ARHGAP22: variants seen among roughly 807,000 people sequenced by gnomAD.
ARHGAP22 encodes the protein Rho GTPase activating protein 22.
In ARHGAP22, 48 loss-of-function variants were observed where a neutral mutation model predicts 59.1. The observed-to-expected ratio is 0.81, with a 90% CI of 0.64 to 1.03. ARHGAP22 has a LOEUF of 1.03. Among genes scored for constraint, ARHGAP22 ranks in the 50% least tolerant of loss-of-function variants. The pLI is 0.00. For missense variants in ARHGAP22, 1,015 were observed against 958.7 expected (o/e 1.06, Z -0.78); for synonymous variants, 445 against 416.4 (o/e 1.07, Z -0.84).
chr10:48,642,722 G>T (rs1472576353), intron 1 of ARHGAP22, among the ~76,000 whole-genome samples: 10 of 152,144 alleles, frequency 6.6e-5, no homozygotes, highest in Non-Finnish European at 1.5e-4. Flanking sequence ...GGCAACAAAA[G>T]CCAAAATTGA....
upstream of ARHGAP22, among the ~76,000 whole-genome samples, chr10:48,609,714 T>G (rs1318485209): frequency 6.6e-6 from 1 of 152,180 alleles, no homozygotes; most frequent in African/African-American, 2.4e-5. Flanking sequence ...CACTCAGTGC[T>G]GTATGGAGTT....
chr10:48,582,497 T>C (rs2059177718), intron 2 of ARHGAP22, among the ~76,000 whole-genome samples: 1 of 152,194 alleles, frequency 6.6e-6, no homozygotes, highest in Admixed American at 6.5e-5. Flanking sequence ...CTTCTTAAAA[T>C]GTGGGTCACA....
At chr10:48,555,699 C>T in intron 2 of ARHGAP22, 149 bp from the exon 3 acceptor site, 1 of 688,308 alleles carries the variant, frequency 1.5e-6, no homozygotes, top group East Asian at 2.7e-5. Flanking sequence ...GCACACACCT[C>T]CTCTCCTAGG....
upstream of ARHGAP22, among the ~76,000 whole-genome samples, chr10:48,609,950 T>G (rs533128127): frequency 6.6e-6 from 1 of 152,344 alleles, no homozygotes; most frequent in East Asian, 1.9e-4. Context: ...TTTGCTCCAC[T>G]TTGGTGGCCT....
the ARHGAP22 span, chr10:48,435,103 C>G: frequency 1.6e-5 from 18 of 1,129,280 alleles, no homozygotes; most frequent in South Asian, 3.6e-4. Context: ...GAAAACAATT[C>G]AGTGGTCTTA....
intron 1 of ARHGAP22, among the ~76,000 whole-genome samples, chr10:48,592,764 AG>A (rs1397046029): frequency 6.6e-6 from 1 of 152,122 alleles, no homozygotes; most frequent in African/African-American, 2.4e-5. Flanking sequence ...CACTCCTCCC[AG>A]GGTTCCCCCA....
chr10:48,457,559 G>A (rs2046670040), intron 5 of ARHGAP22, among the ~76,000 whole-genome samples: 1 of 152,212 alleles, frequency 6.6e-6, no homozygotes, highest in African/African-American at 2.4e-5. Context: ...GCGGCCAGGA[G>A]TCCATGCAGC....
chr10:48,602,451 C>A (rs1445163), intron 1 of ARHGAP22, among the ~76,000 whole-genome samples: 121,193 of 152,108 alleles, frequency 0.8, 48,678 homozygotes, highest in East Asian at 0.98. Context: ...AAAACAGGTA[C>A]ATCTAGAAAA....
At chr10:48,467,188 C>G (rs1483060215) in intron 4 of ARHGAP22, among the ~76,000 whole-genome samples, 2 of 152,230 alleles carry the variant, frequency 1.3e-5, no homozygotes, top group African/African-American at 4.8e-5. Flanking sequence ...ATTAGCTTCC[C>G]TATATTACAG....
chr10:48,436,713 A>G, the ARHGAP22 span: 1 of 152,218 alleles, frequency 6.6e-6, no homozygotes, highest in African/African-American at 2.4e-5. Flanking sequence ...TAAGATTAAA[A>G]TACATTAGCT....
intron 1 of ARHGAP22, among the ~76,000 whole-genome samples, chr10:48,593,983 TTA>T (rs2059919603): frequency 2.0e-5 from 3 of 152,334 alleles, no homozygotes; most frequent in South Asian, 2.1e-4. Flanking sequence ...AATTTTTTTA[TTA>T]TATAAATTAC....
chr10:48,564,283 ACG>A (rs2057904480), intron 2 of ARHGAP22, among the ~76,000 whole-genome samples: 1 of 152,254 alleles, frequency 6.6e-6, no homozygotes, highest in Non-Finnish European at 1.5e-5. Context: ...CAACAGAGGA[ACG>A]GTTAAATCAT....
intron 2 of ARHGAP22, among the ~76,000 whole-genome samples, chr10:48,578,673 A>AT (rs2058917276): frequency 1.0e-5 from 1 of 97,840 alleles, no homozygotes; most frequent in Non-Finnish European, 2.0e-5. Context: ...CTCTGATTTC[A>AT]TTTTTTTGAA....
intron 3 of ARHGAP22, among the ~76,000 whole-genome samples, chr10:48,500,956 G>C (rs1391436437): frequency 6.6e-6 from 1 of 151,488 alleles, no homozygotes; most frequent in Admixed American, 6.6e-5. Flanking sequence ...CTCAACCATG[G>C]GAGAAATTTT....
intron 2 of ARHGAP22, among the ~76,000 whole-genome samples, chr10:48,580,123 G>A (rs1434021632): frequency 2.0e-5 from 3 of 152,156 alleles, no homozygotes; most frequent in African/African-American, 7.2e-5. Context: ...GGCATCTGCT[G>A]GGAGATACTG....
exon 1 of ARHGAP22, chr10:48,652,354 C>A (rs2062602456): frequency 7.5e-7 from 1 of 1,334,600 alleles, no homozygotes; most frequent in African/African-American, 1.4e-5. Context: ...CATCCTCAAG[C>A]AGACAAGCTA....
chr10:48,513,499 T>A (rs900482392), intron 3 of ARHGAP22, among the ~76,000 whole-genome samples: 2 of 152,196 alleles, frequency 1.3e-5, no homozygotes, highest in African/African-American at 4.8e-5. Context: ...CACACTCTCC[T>A]CAAAGGGTAG....
intron 3 of ARHGAP22, among the ~76,000 whole-genome samples, chr10:48,534,672 C>G (rs182964769): frequency 4.6e-5 from 7 of 152,370 alleles, no homozygotes; most frequent in African/African-American, 1.7e-4. Flanking sequence ...TGCAAGAACC[C>G]TATCATAATC....
the ARHGAP22 span, among the ~76,000 whole-genome samples, chr10:48,434,669 A>G: frequency 3.0e-3 from 457 of 152,138 alleles, 4 homozygotes; most frequent in African/African-American, 0.011. Context: ...AAAGGATAGG[A>G]CTCCACGATT....
Sources: gnomAD v4.1 joint callset for allele counts (sites outside exome capture counted in the v4.1 genomes callset) on GRCh38, gnomAD v4.1.1 for gene constraint, MANE v1.5 for transcripts, NCBI Gene and HGNC (gene_info 2026-07-23, HGNC 2026-07-21) for gene names.